TTC28: variants seen among roughly 807,000 people sequenced by gnomAD.
TTC28 encodes the protein tetratricopeptide repeat domain 28.
TTC28 carries 61 observed loss-of-function variants against 198.0 expected under a neutral mutation model. That is an observed-to-expected ratio of 0.31 (90% CI 0.25 to 0.38). The LOEUF (loss-of-function observed/expected upper bound fraction) is 0.38. Among genes scored for constraint, TTC28 ranks in the 10% least tolerant of loss-of-function variants. The pLI, the probability that TTC28 is intolerant of heterozygous loss-of-function variation, is 1.00. For synonymous variants in TTC28, 1,171 were observed against 1,297.8 expected, an observed-to-expected ratio of 0.90 and a Z score of 2.10; for missense variants, 2,678 against 3,164.0, an observed-to-expected ratio of 0.85 and a Z score of 3.69.
At chr22:28,579,626 A>G (rs2050205067) in intron 2 of TTC28, among the ~76,000 whole-genome samples, 1 of 148,460 alleles carries the variant, frequency 6.7e-6, no homozygotes, top group Non-Finnish European at 1.5e-5. Flanking sequence ...ACATATACAA[A>G]TGTGTGTGTG....
At chr22:28,426,410 C>T (rs2047351476) in intron 2 of TTC28, among the ~76,000 whole-genome samples, 1 of 152,080 alleles carries the variant, frequency 6.6e-6, no homozygotes, top group African/African-American at 2.4e-5. Flanking sequence ...TAAACACACA[C>T]AAAGTCAGGC....
chr22:28,140,098 C>T (rs879294498), intron 6 of TTC28, among the ~76,000 whole-genome samples: 17 of 152,122 alleles, frequency 1.1e-4, no homozygotes, highest in Admixed American at 3.3e-4. Context: ...GTTCCTCCCC[C>T]ATAAGGTTGA....
intron 2 of TTC28, among the ~76,000 whole-genome samples, chr22:28,515,753 A>G (rs2048773664): frequency 6.6e-6 from 1 of 152,196 alleles, no homozygotes; most frequent in Admixed American, 6.5e-5. Flanking sequence ...GTCAGGTATC[A>G]TATAACTTAA....
At chr22:28,585,425 G>A (rs1201587825) in intron 2 of TTC28, among the ~76,000 whole-genome samples, 1 of 152,132 alleles carries the variant, frequency 6.6e-6, no homozygotes, top group African/African-American at 2.4e-5. Context: ...TCACGATAGG[G>A]TTAAGGCTCC....
At chr22:28,644,734 G>A (rs1308224110) in intron 1 of TTC28, among the ~76,000 whole-genome samples, 1 of 150,138 alleles carries the variant, frequency 6.7e-6, no homozygotes, top group Non-Finnish European at 1.5e-5. Context: ...GAGGTGGGAG[G>A]ATTGCCTGAG....
chr22:28,280,862 T>C (rs1035379072), intron 5 of TTC28, among the ~76,000 whole-genome samples: 5 of 152,182 alleles, frequency 3.3e-5, no homozygotes, highest in Non-Finnish European at 2.9e-5. Flanking sequence ...CTGCTGATTA[T>C]TGAATTCTGG....
chr22:28,296,218 T>C lies in TTC28; in HGVS notation c.913A>G (p.Met305Val), dbSNP rs898968375. Residue 305 changes from methionine (M) to valine (V), a missense_variant, in exon 5 of 23, where the codon ATG becomes GTG. By Grantham distance (21) the Met-to-Val change is conservative. Transcript: ENST00000397906. ...CCTACCTCTCGATCTTTGAGTTTCATGGCGAGTACCAACTGATGCCTGTGG... is the reference window on the plus strand; with the variant it reads ...CCTACCTCTCGATCTTTGAGTTTCACGGCGAGTACCAACTGATGCCTGTGG... ...TNHRHQLVLA[M>V]KLKDREAASS... is the part of the protein sequence containing the mutation. The C allele has an allele frequency of 2.6e-6, 4 of 1,548,476 alleles. No homozygotes were observed. The highest frequency in any genetic ancestry group is 3.5e-6 in the Non-Finnish European group (4 of 1,145,486).
At chr22:28,341,173 G>T (rs2045822414) in intron 2 of TTC28, among the ~76,000 whole-genome samples, 1 of 152,120 alleles carries the variant, frequency 6.6e-6, no homozygotes, top group Admixed American at 6.6e-5. Context: ...ATGAATTGAA[G>T]ATAAATGTAA....
chr22:28,606,927 C>T (rs750688841), intron 2 of TTC28, among the ~76,000 whole-genome samples: 3 of 152,080 alleles, frequency 2.0e-5, no homozygotes, highest in South Asian at 2.1e-4. Flanking sequence ...TCCAAAATGT[C>T]GCACCTAGGC....
chr22:28,338,459 A>G (rs1219091198), intron 2 of TTC28, among the ~76,000 whole-genome samples: 2 of 151,690 alleles, frequency 1.3e-5, no homozygotes, highest in Non-Finnish European at 2.9e-5. Flanking sequence ...CATTCTCCCC[A>G]TGACTTTCAG....
chr22:27,989,878 C>T lies in TTC28; in HGVS notation c.5707G>A (p.Gly1903Ser). The T allele has an allele frequency of 1.3e-6, 2 of 1,550,542 alleles. No homozygotes were observed. Among genetic ancestry groups the T allele is most frequent in the Non-Finnish European group, 1.7e-6 (2 of 1,146,260 alleles). The change falls in exon 21 of 23, where the codon GGT (glycine) becomes AGT (serine). Residue 1903 changes from glycine to serine, a missense_variant and splice_region_variant. By Grantham distance (56) the Gly-to-Ser change is moderately conservative (BLOSUM62 0). Transcript: ENST00000397906. ...PGCHEFLAAL[G>S]FDLCEVGQEE... ...TTTAAGTCAAGGATTCTCTGCCTAC[C>T]TAGAGCTGCCAGGAACTCGTGGCAT... is the stretch of plus-strand genomic sequence containing the variant.
At chr22:28,534,893 C>T (rs971735151) in intron 2 of TTC28, among the ~76,000 whole-genome samples, 2 of 150,506 alleles carry the variant, frequency 1.3e-5, no homozygotes, top group African/African-American at 2.4e-5. Context: ...TGAGGAACAT[C>T]ACACACCGGG....
rs1164126646 is a variant in TTC28 at position 27,982,544 on chromosome 22, T to C, written c.7123A>G (p.Met2375Val). ...CCAGGAGCCCCCCGGAAGATCTTCA[T>C]TGGCCCTGTGGAATGCTGGGGTGTG... ...QSTPQHSTGPMKIFRGAPGTM... is the reference protein window; with the variant it reads ...QSTPQHSTGPVKIFRGAPGTM... The change falls in exon 23 of 23, where the codon ATG becomes GTG. Residue 2375 changes from methionine to valine, a missense_variant. Transcript: ENST00000397906. The surrounding 1 kb of genome is among the most constrained non-coding windows in gnomAD (Gnocchi z 5.2). The C allele has an allele frequency of 8.4e-6, 13 of 1,551,608 alleles. No individual in the cohort carries two copies. The highest frequency in any genetic ancestry group is 8.3e-5 in the South Asian group (7 of 84,056).
intron 2 of TTC28, among the ~76,000 whole-genome samples, chr22:28,558,787 T>C (rs1371400082): frequency 2.0e-5 from 3 of 152,156 alleles, no homozygotes; most frequent in Non-Finnish European, 4.4e-5. Context: ...TCCCAGCACT[T>C]TGGGAGGCCA....
chr22:28,052,183 A>G (rs936059654), intron 12 of TTC28, among the ~76,000 whole-genome samples: 4 of 152,216 alleles, frequency 2.6e-5, no homozygotes, highest in African/African-American at 9.7e-5. Context: ...AAAGTACCAT[A>G]TATGTGCGGA....
chr22:28,310,163 CACACACACACAAAA>C (rs1195705453), intron 2 of TTC28, among the ~76,000 whole-genome samples: 1 of 137,526 alleles, frequency 7.3e-6, no homozygotes, highest in Non-Finnish European at 1.5e-5. Flanking sequence ...CACACACACA[CACACACACACAAAA>C]AACAAGACAA....
chr22:28,579,036 A>G (rs2050191617), intron 2 of TTC28, among the ~76,000 whole-genome samples: 1 of 151,960 alleles, frequency 6.6e-6, no homozygotes, highest in South Asian at 2.1e-4. Context: ...TATACTATAT[A>G]GCTATATATG....
At chr22:27,990,845 AAG>A (rs1376972773) in intron 19 of TTC28, 33 bp from the exon 20 acceptor site, 22 of 1,542,970 alleles carry the variant, frequency 1.4e-5, no homozygotes, top group East Asian at 4.9e-5. Flanking sequence ...AAAAGAAAGA[AAG>A]AGAGAAAGAA....
chr22:28,107,129 C>A lies in TTC28; in HGVS notation c.2716G>T (p.Val906Phe), dbSNP rs1429266662. ...TGCATGCGATTCAGACTCTGCGCGA[C>A]AGATAAATATTGTTCATAGTATTTG... The part of the protein sequence containing the change: ...AIKYYEQYLS[V>F]AQSLNRMQDQ... The change falls in exon 7 of 23, where the codon GTC becomes TTC. Residue 906 changes from valine (V) to phenylalanine (F), a missense_variant. Coordinates refer to ENST00000397906, the MANE Select transcript of TTC28 (RefSeq NM_001145418.2). The A allele has an allele frequency of 6.4e-7, 1 of 1,551,718 alleles. No homozygotes were observed. The highest frequency in any genetic ancestry group is 1.2e-5 in the South Asian group (1 of 84,062).
Sources: allele counts gnomAD v4.1 joint callset (sites outside exome capture counted in the v4.1 genomes callset), GRCh38; gene constraint gnomAD v4.1.1; non-coding constraint Gnocchi (gnomAD v3.1); transcripts MANE v1.5; gene names NCBI Gene and HGNC (gene_info 2026-07-23, HGNC 2026-07-21).